The following ANXA3 variants were observed in gnomAD, a reference collection of about 807,000 sequenced individuals.
ANXA3 encodes the protein 35-alpha calcimedin.
In ANXA3, 46 loss-of-function variants were observed where a neutral mutation model predicts 48.8. That is an observed-to-expected ratio of 0.94 (90% CI 0.74 to 1.21). The LOEUF is 1.21. ANXA3 is among the 50% of genes most tolerant of loss of function. The pLI is 0.00. For synonymous variants in ANXA3, 128 were observed against 134.7 expected, an observed-to-expected ratio of 0.95 and a Z score of 0.35; for missense variants, 383 against 378.6, an observed-to-expected ratio of 1.01 and a Z score of -0.10.
chr4:78,602,567 C>G (rs1486504429), intron 11 of ANXA3: 4 of 152,186 alleles, frequency 2.6e-5, no homozygotes, highest in Non-Finnish European at 5.9e-5. Flanking sequence ...TTAATGATGC[C>G]GTAACCCTGT....
At chr4:78,563,252 A>G (rs1168072761) in intron 2 of ANXA3, among the ~76,000 whole-genome samples, 1 of 152,220 alleles carries the variant, frequency 6.6e-6, no homozygotes, top group Middle Eastern at 3.2e-3. Context: ...TATTCTGCCC[A>G]GAATATTACA....
intron 5 of ANXA3, 102 bp from the exon 6 acceptor site, chr4:78,586,158 T>C: frequency 1.3e-6 from 1 of 756,464 alleles, no homozygotes; most frequent in Non-Finnish European, 2.1e-6. Context: ...TTGATTTACT[T>C]AAAAGTGTCC....
chr4:78,580,544 T>C (rs1377236889), intron 4 of ANXA3, among the ~76,000 whole-genome samples: 1 of 152,150 alleles, frequency 6.6e-6, no homozygotes, highest in Non-Finnish European at 1.5e-5. Flanking sequence ...GCAGTTTTTA[T>C]TTTTAAAGGA....
Position 78,554,471 on chromosome 4 carries a change from A to G in ANXA3, c.-3A>G. On this transcript the variant is annotated 5_prime_UTR_variant, in exon 2 of 13. In the 5' UTR this introduces an upstream ATG that the reference lacks. Transcript: ENST00000264908. ...TCTCAGCTCAAGGCAAAGGTGGGAT[A>G]TCATGGCATCTATCTGGGTAAGTAA... The G allele has an allele frequency of 6.2e-7, 1 of 1,613,136 alleles. No homozygotes were observed. The highest frequency in any genetic ancestry group is 8.5e-7 in the Non-Finnish European group (1 of 1,179,462).
At chr4:78,580,005 A>T (rs1240098504) in intron 4 of ANXA3, among the ~76,000 whole-genome samples, 1 of 152,260 alleles carries the variant, frequency 6.6e-6, no homozygotes, top group Non-Finnish European at 1.5e-5. Flanking sequence ...TCTATTTCTG[A>T]GTACTAATCT....
chr4:78,573,940 G>A (rs988962097), intron 3 of ANXA3, among the ~76,000 whole-genome samples: 1 of 152,122 alleles, frequency 6.6e-6, no homozygotes, highest in Non-Finnish European at 1.5e-5. Flanking sequence ...TCCACACTAT[G>A]GGTTTTCAGG....
intron 12 of ANXA3, 143 bp downstream of exon 12, chr4:78,604,542 A>T: frequency 1.6e-6 from 1 of 632,304 alleles, no homozygotes; most frequent in Non-Finnish European, 2.4e-6. Flanking sequence ...TGAGCTTAAA[A>T]TAGTAGCAGC....
At chr4:78,589,203 C>T (rs1263976352) in intron 6 of ANXA3, among the ~76,000 whole-genome samples, 1 of 152,136 alleles carries the variant, frequency 6.6e-6, no homozygotes, top group South Asian at 2.1e-4. Flanking sequence ...AGGTTAAGGT[C>T]TTAAGAGCCA....
Position 78,571,649 on chromosome 4 carries a change from A to G in ANXA3, c.16-1531A>G, listed in dbSNP as rs951696868. Among the ~76,000 whole-genome samples the G allele has an allele frequency of 3.9e-5, 6 of 152,370 alleles. 1 individual carries two copies. The South Asian group carries it at 1.2e-3, about 32-fold the overall frequency. Reference sequence around the variant, plus strand: ...GTAACAGGATAGAAAAATGCTGTTTAAAAGGAAATATTATTACTGTAAAGA... The same window carrying G: ...GTAACAGGATAGAAAAATGCTGTTTGAAAGGAAATATTATTACTGTAAAGA... On this transcript the variant is annotated intron_variant, in intron 2 of 12. Transcript: ENST00000264908.
intron 12 of ANXA3, among the ~76,000 whole-genome samples, chr4:78,608,688 C>T (rs1439787633): frequency 5.9e-5 from 9 of 152,036 alleles, no homozygotes; most frequent in Non-Finnish European, 1.3e-4. Flanking sequence ...GACAGTGGCG[C>T]CATTCCTTGC....
At chr4:78,596,161 C>T (rs1443968323) in intron 9 of ANXA3, among the ~76,000 whole-genome samples, 1 of 152,112 alleles carries the variant, frequency 6.6e-6, no homozygotes, top group African/African-American at 2.4e-5. Flanking sequence ...AGAGGCCACC[C>T]TCTAGGGTGA....
chr4:78,586,053 G>A (rs1207879300), intron 5 of ANXA3, among the ~76,000 whole-genome samples: 1 of 152,072 alleles, frequency 6.6e-6, no homozygotes, highest in Non-Finnish European at 1.5e-5. Flanking sequence ...TTTCACACTA[G>A]AGTGAAAAAT....
In ANXA3 at chr4:78,590,307, G is replaced by A. The variant is rs111708417; in HGVS notation, c.404-1237G>A. On this transcript the variant is annotated intron_variant, in intron 6 of 12. Transcript: ENST00000264908. ...TTTAGAAAAATAACACACTTTTTTG[G>A]TGGATTTTGCTTATATGAATTGCTT... 4.1e-4 allele frequency among the ~76,000 whole-genome samples: 62 copies of A among 152,072 alleles called. 1 individual carries two copies. Among genetic ancestry groups the A allele is most frequent in the Non-Finnish European group, 8.1e-4 (55 of 67,954 alleles).
intron 10 of ANXA3, among the ~76,000 whole-genome samples, chr4:78,599,064 T>A (rs548488466): frequency 6.6e-6 from 1 of 152,234 alleles, no homozygotes; most frequent in South Asian, 2.1e-4. Flanking sequence ...GTTCAAAATA[T>A]GTTACACTTT....
chr4:78,564,695 T>C (rs1267957725), intron 2 of ANXA3, among the ~76,000 whole-genome samples: 1 of 152,164 alleles, frequency 6.6e-6, no homozygotes, highest in Non-Finnish European at 1.5e-5. Flanking sequence ...TCAGATCAAG[T>C]GCCAAAGAAG....
chr4:78,601,425 A>G (rs1723536844), intron 10 of ANXA3, 85 bp from the exon 11 acceptor site: 2 of 1,301,726 alleles, frequency 1.5e-6, no homozygotes, highest in Non-Finnish European at 2.2e-6. Context: ...CAGTCCAAAG[A>G]ATCTTTTTAA....
intron 2 of ANXA3, among the ~76,000 whole-genome samples, chr4:78,566,637 G>A (rs1722738102): frequency 1.7e-5 from 2 of 115,286 alleles, no homozygotes; most frequent in African/African-American, 6.7e-5. Flanking sequence ...ATAGAGAACG[G>A]AATAATAGAG....
intron 7 of ANXA3, 62 bp from the exon 8 acceptor site, chr4:78,595,319 G>GTA: frequency 2.6e-6 from 4 of 1,559,016 alleles, no homozygotes; most frequent in Non-Finnish European, 3.5e-6. Flanking sequence ...GCTGGTTGAA[G>GTA]TACTATGTGT....
intron 3 of ANXA3, among the ~76,000 whole-genome samples, chr4:78,578,339 G>A (rs1333169648): frequency 1.3e-4 from 17 of 129,050 alleles, no homozygotes; most frequent in Admixed American, 1.1e-3. Flanking sequence ...GAAAGGGAGG[G>A]AGGGAGGGAG....
Sources: allele counts gnomAD v4.1 joint callset (sites outside exome capture counted in the v4.1 genomes callset), GRCh38; gene constraint gnomAD v4.1.1; transcripts MANE v1.5; gene names NCBI Gene and HGNC (gene_info 2026-07-23, HGNC 2026-07-21).